Variants in KCNIP1 observed in about 807,000 individuals in gnomAD.
KCNIP1 encodes the protein potassium voltage-gated channel interacting protein 1.
Under a neutral mutation model 33.0 loss-of-function variants are expected in KCNIP1, and 18 were observed. The observed-to-expected ratio is 0.55, with a 90% CI of 0.38 to 0.81. The LOEUF is 0.81. Ranked by LOEUF, KCNIP1 falls within the 30% of genes least tolerant of loss-of-function variation. The pLI is 0.00. For missense variants in KCNIP1, 238 were observed against 271.6 expected (o/e 0.88, Z 0.87); for synonymous variants, 93 against 98.3 (o/e 0.95, Z 0.32).
intron 1 of KCNIP1, among the ~76,000 whole-genome samples, chr5:170,536,246 G>A (rs1162680210): frequency 6.6e-6 from 1 of 152,190 alleles, no homozygotes; most frequent in Non-Finnish European, 1.5e-5. Context: ...GGCGCTCCTT[G>A]CATTAGCCTG....
intron 1 of KCNIP1, among the ~76,000 whole-genome samples, chr5:170,526,618 G>A (rs1331295133): frequency 6.6e-6 from 1 of 152,002 alleles, no homozygotes; most frequent in Non-Finnish European, 1.5e-5. Context: ...AGAAGACTGA[G>A]GTGTCATCAG....
chr5:170,405,972 C>A lies in KCNIP1; in HGVS notation c.88+52008C>A, dbSNP rs545081320. On this transcript the variant is annotated intron_variant, in intron 1 of 7. Transcript: ENST00000377360. ...AGATAGAGACTAGGGGCTAGAATAC[C>A]TCTCCCCTGCCCGTTTCTCCGGGCT... is the stretch of plus-strand genomic sequence containing the variant. Among the ~76,000 whole-genome samples the A allele has an allele frequency of 4.6e-5, 7 of 152,254 alleles. No individual in the cohort carries two copies. In the South Asian group the frequency reaches 1.2e-3, roughly 27 times the overall value.
chr5:170,728,768 AGT>A (rs1764092602), intron 5 of KCNIP1, among the ~76,000 whole-genome samples: 1 of 152,110 alleles, frequency 6.6e-6, no homozygotes, highest in Admixed American at 6.5e-5. Context: ...TCAAAATGGA[AGT>A]GTTATTTGGG....
chr5:170,592,322 C>G (rs1444200172), intron 1 of KCNIP1, among the ~76,000 whole-genome samples: 1 of 152,098 alleles, frequency 6.6e-6, no homozygotes, highest in East Asian at 1.9e-4. Flanking sequence ...AAATAGTATT[C>G]CCAATCCTTC....
intron 1 of KCNIP1, among the ~76,000 whole-genome samples, chr5:170,713,686 TG>T (rs1763535847): frequency 6.6e-6 from 1 of 152,184 alleles, no homozygotes; most frequent in Non-Finnish European, 1.5e-5. Context: ...GACCTATCTT[TG>T]GGCCACACTC....
chr5:170,457,530 C>T (rs1359930280), intron 1 of KCNIP1, among the ~76,000 whole-genome samples: 2 of 152,206 alleles, frequency 1.3e-5, no homozygotes, highest in Non-Finnish European at 2.9e-5. Flanking sequence ...TCTGTACAGA[C>T]AACCCCCAGT....
upstream of KCNIP1, among the ~76,000 whole-genome samples, chr5:170,503,692 GACACAC>G (rs113237236): frequency 4.9e-5 from 7 of 142,998 alleles, no homozygotes; most frequent in Non-Finnish European, 9.4e-5. Flanking sequence ...CACACACAGG[GACACAC>G]ACACACACAC....
At chr5:170,561,354 G>A (rs1757028417) in intron 1 of KCNIP1, among the ~76,000 whole-genome samples, 1 of 152,184 alleles carries the variant, frequency 6.6e-6, no homozygotes. Flanking sequence ...TGAAGAGTGT[G>A]CAGGGTCCAA....
At chr5:170,391,806 T>C (rs1237167220) in intron 1 of KCNIP1, among the ~76,000 whole-genome samples, 2 of 152,206 alleles carry the variant, frequency 1.3e-5, no homozygotes, top group East Asian at 3.9e-4. Flanking sequence ...TAATTATACC[T>C]AGCCCCTCAG....
intron 1 of KCNIP1, among the ~76,000 whole-genome samples, chr5:170,546,330 T>G (rs1756408091): frequency 1.3e-5 from 2 of 152,202 alleles, no homozygotes; most frequent in South Asian, 4.1e-4. Context: ...TAGCAGAAAT[T>G]TCATTCCAAC....
intron 1 of KCNIP1, among the ~76,000 whole-genome samples, chr5:170,372,636 T>C (rs1382960887): frequency 6.6e-6 from 1 of 152,020 alleles, no homozygotes; most frequent in Non-Finnish European, 1.5e-5. Context: ...ACCAAATATC[T>C]TTCTGTGAGA....
intron 1 of KCNIP1, chr5:170,385,348 G>A (rs763821384): frequency 8.1e-6 from 13 of 1,614,140 alleles, no homozygotes; most frequent in Non-Finnish European, 1.1e-5. Context: ...GTCGTGACCA[G>A]GATGTAGTAG....
intron 1 of KCNIP1, among the ~76,000 whole-genome samples, chr5:170,660,482 C>A (rs1761438431): frequency 6.6e-6 from 1 of 152,138 alleles, no homozygotes; most frequent in South Asian, 2.1e-4. Context: ...CCAGGAGACA[C>A]CCAGCTAATG....
chr5:170,606,798 T>A (rs2113604415), intron 1 of KCNIP1, among the ~76,000 whole-genome samples: 1 of 152,342 alleles, frequency 6.6e-6, no homozygotes, highest in East Asian at 1.9e-4. Context: ...CTCTCACTTG[T>A]TCTTTGCAGA....
At chr5:170,483,149 C>T (rs1454359199) in intron 1 of KCNIP1, 1 of 437,574 alleles carries the variant, frequency 2.3e-6, no homozygotes, top group Non-Finnish European at 4.5e-6. Context: ...CAGGTATTTC[C>T]ATGGAGCTCA....
chr5:170,567,047 C>T (rs1267202500), intron 1 of KCNIP1, among the ~76,000 whole-genome samples: 4 of 152,126 alleles, frequency 2.6e-5, no homozygotes, highest in East Asian at 1.9e-4. Flanking sequence ...TGCATAAATC[C>T]CAGTTGTCCC....
chr5:170,710,331 T>A (rs1239648061), intron 1 of KCNIP1, among the ~76,000 whole-genome samples: 1 of 152,258 alleles, frequency 6.6e-6, no homozygotes, highest in Non-Finnish European at 1.5e-5. Context: ...AATTTTTGAT[T>A]GACTTTTTGT....
intron 1 of KCNIP1, chr5:170,385,405 G>C (rs368782999): frequency 6.2e-7 from 1 of 1,614,108 alleles, no homozygotes; most frequent in Admixed American, 1.7e-5. Flanking sequence ...CAAAGGGCTC[G>C]TGTCTCTCCC....
At chr5:170,528,057 T>C (rs58981982) in intron 1 of KCNIP1, among the ~76,000 whole-genome samples, 7,586 of 152,140 alleles carry the variant, frequency 0.05, 645 homozygotes, top group African/African-American at 0.17. Context: ...GGGAGAGCCT[T>C]AGGAACCCTC....
Sources: allele counts gnomAD v4.1 joint callset (sites outside exome capture counted in the v4.1 genomes callset), GRCh38; gene constraint gnomAD v4.1.1; transcripts MANE v1.5; gene names NCBI Gene and HGNC (gene_info 2026-07-23, HGNC 2026-07-21).